The following VPS53 variants were observed in gnomAD, a reference collection of about 807,000 sequenced individuals.
VPS53 encodes the protein vacuolar protein sorting-associated protein 53 homolog.
VPS53 carries 70 observed loss-of-function variants against 107.0 expected under a neutral mutation model. The ratio of observed to expected loss-of-function variants is 0.65; its 90% CI spans 0.54 to 0.80. The LOEUF (loss-of-function observed/expected upper bound fraction) is 0.80, where lower values mean the gene tolerates loss of function less well. Ranked by LOEUF, VPS53 falls within the 30% of genes least tolerant of loss-of-function variation. The probability of loss-of-function intolerance (pLI) is 0.00; values close to 1 mark genes in which losing one functional copy is unlikely to be tolerated. For synonymous variants in VPS53, 409 were observed against 393.3 expected (o/e 1.04, Z -0.47); for missense variants, 917 against 1,049.4 (o/e 0.87, Z 1.74).
intron 4 of VPS53, among the ~76,000 whole-genome samples, chr17:677,157 A>G (rs1386511722): frequency 6.6e-6 from 1 of 152,220 alleles, no homozygotes; most frequent in African/African-American, 2.4e-5. Flanking sequence ...GCCAATATTC[A>G]TAGCATCACT....
At chr17:683,299 C>T (rs1480376830) in intron 4 of VPS53, among the ~76,000 whole-genome samples, 3 of 151,224 alleles carry the variant, frequency 2.0e-5, no homozygotes, top group Non-Finnish European at 2.9e-5. Flanking sequence ...GCTGAGATCC[C>T]AAGAGGAATA....
chr17:702,581 G>A (rs1253694601), intron 2 of VPS53, among the ~76,000 whole-genome samples: 6 of 152,066 alleles, frequency 3.9e-5, no homozygotes, highest in Non-Finnish European at 8.8e-5. Flanking sequence ...CAGGAGAACT[G>A]CTTGAACCCA....
At chr17:663,042 C>CG (rs971811023) in intron 4 of VPS53, among the ~76,000 whole-genome samples, 1 of 145,626 alleles carries the variant, frequency 6.9e-6, no homozygotes, top group African/African-American at 2.5e-5. Context: ...TCGGTCTCTG[C>CG]AAAAAAAAAA....
intron 6 of VPS53, among the ~76,000 whole-genome samples, chr17:654,660 C>T (rs1047472081): frequency 6.6e-6 from 1 of 150,604 alleles, no homozygotes; most frequent in South Asian, 2.1e-4. Context: ...TGGCGGGAAC[C>T]CGGGAGGCGG....
chr17:687,052 AG>A (rs1161745917), intron 4 of VPS53, among the ~76,000 whole-genome samples: 16 of 152,206 alleles, frequency 1.1e-4, no homozygotes, highest in Admixed American at 1.0e-3. Context: ...TGAGAGGCCA[AG>A]GTGGGCAGAT....
intron 11 of VPS53, 91 bp from the exon 12 acceptor site, chr17:601,987 G>T (rs7225041): frequency 4.2e-6 from 4 of 954,516 alleles, no homozygotes; most frequent in East Asian, 2.8e-5. Flanking sequence ...TCTCCAACAA[G>T]GAAGTCATGC....
intron 17 of VPS53, among the ~76,000 whole-genome samples, chr17:542,439 G>A (rs1051490907): frequency 1.3e-5 from 2 of 152,234 alleles, no homozygotes; most frequent in East Asian, 1.9e-4. Flanking sequence ...CAGTATTCTC[G>A]TCTATAAAAT....
intron 4 of VPS53, among the ~76,000 whole-genome samples, chr17:689,977 C>T (rs1447540839): frequency 6.6e-6 from 1 of 152,112 alleles, no homozygotes; most frequent in Non-Finnish European, 1.5e-5. Flanking sequence ...GAAACAGCCC[C>T]GGACGACACA....
chr17:558,089 G>A (rs988456259), intron 15 of VPS53, among the ~76,000 whole-genome samples: 17 of 152,144 alleles, frequency 1.1e-4, no homozygotes, highest in African/African-American at 4.1e-4. Context: ...TGGACTATTG[G>A]CCTCAAGCGA....
intron 2 of VPS53, among the ~76,000 whole-genome samples, chr17:707,534 A>G (rs1973459206): frequency 6.6e-6 from 1 of 151,350 alleles, no homozygotes. Flanking sequence ...AAAAAAAAAA[A>G]AAAAAGAAAA....
At chr17:641,354 CTT>C (rs750354172) in intron 7 of VPS53, among the ~76,000 whole-genome samples, 5 of 152,224 alleles carry the variant, frequency 3.3e-5, no homozygotes, top group African/African-American at 1.2e-4. Flanking sequence ...AAGAATTTAT[CTT>C]TGGCCTCATT....
intron 13 of VPS53, among the ~76,000 whole-genome samples, chr17:575,977 C>G (rs1208376907): frequency 6.6e-6 from 1 of 151,684 alleles, no homozygotes; most frequent in African/African-American, 2.4e-5. Flanking sequence ...CACTCAGAAC[C>G]TAATGCATTC....
At position 508,939 on chromosome 17, in the gene VPS53, A is replaced by T. The variant is rs1907757944; in HGVS notation, c.*10189T>A. 6.6e-6 allele frequency: 1 copy of T among 152,220 alleles called. No homozygotes were observed. Among genetic ancestry groups the T allele is most frequent in the Non-Finnish European group, 1.5e-5 (1 of 68,048 alleles). The allele number at this position is 152,220 out of a possible 1,614,324, so 9.4% of individuals were successfully genotyped here. On this transcript the variant is annotated 3_prime_UTR_variant, in exon 22 of 22. Coordinates refer to ENST00000437048, the MANE Select transcript of VPS53 (RefSeq NM_001128159.3). ...TGAACTCATAAAATGTATTCATAAA[A>T]TACTTTTATCTATTTTGTATAGAGG...
chr17:684,282 T>C (rs1972505494), intron 4 of VPS53, among the ~76,000 whole-genome samples: 1 of 152,130 alleles, frequency 6.6e-6, no homozygotes, highest in Admixed American at 6.6e-5. Context: ...ATAGGTGAGA[T>C]GATTATCTAC....
intron 10 of VPS53, 94 bp downstream of exon 10, chr17:627,080 T>C: frequency 1.4e-6 from 2 of 1,480,112 alleles, no homozygotes; most frequent in East Asian, 2.5e-5. Flanking sequence ...GGAAGTGGCA[T>C]CAAATCCACA....
chr17:679,791 C>T (rs1239630982), intron 4 of VPS53, among the ~76,000 whole-genome samples: 1 of 152,118 alleles, frequency 6.6e-6, no homozygotes, highest in Non-Finnish European at 1.5e-5. Flanking sequence ...CTCTCTGAAA[C>T]AGTTTACTAT....
intron 11 of VPS53, among the ~76,000 whole-genome samples, chr17:612,802 TCA>T (rs1968952390): frequency 6.9e-6 from 1 of 144,018 alleles, no homozygotes; most frequent in Non-Finnish European, 1.5e-5. Context: ...GTACAAATAT[TCA>T]CATAGTGAGT....
chr17:524,827 C>T lies in VPS53; in HGVS notation c.2086-3089G>A, dbSNP rs1597243916. Among the ~76,000 whole-genome samples the T allele has an allele frequency of 6.6e-6, 1 of 152,282 alleles. No individual in the cohort carries two copies. Among genetic ancestry groups the T allele is most frequent in the South Asian group, 2.1e-4 (1 of 4,820 alleles). On this transcript the variant is annotated intron_variant, in intron 19 of 21. Coordinates refer to ENST00000437048, the MANE Select transcript of VPS53 (RefSeq NM_001128159.3). The surrounding 1 kb of genome is among the most constrained non-coding windows in gnomAD (Gnocchi z 4.5). The stretch of plus-strand genomic sequence containing the variant: ...GTTGATAATCTAGTGTGGGCACGGC[C>T]ACACTGAAATTCAGACTAGTGGTGA...
intron 7 of VPS53, chr17:632,657 G>A (rs1012092389): frequency 2.2e-5 from 10 of 451,710 alleles, no homozygotes; most frequent in East Asian, 1.4e-4. Context: ...GTTACTCCCC[G>A]CCTCCCTGCT....
Sources: gnomAD v4.1 joint callset for allele counts (sites outside exome capture counted in the v4.1 genomes callset) on GRCh38, gnomAD v4.1.1 for gene constraint, Gnocchi (gnomAD v3.1) non-coding constraint, MANE v1.5 for transcripts, NCBI Gene and HGNC (gene_info 2026-07-23, HGNC 2026-07-21) for gene names.